The following GALNT10 variants were observed in gnomAD, a reference collection of about 807,000 sequenced individuals.
The protein encoded by GALNT10 is GalNAc transferase 10.
In GALNT10, 41 loss-of-function variants were observed where a neutral mutation model predicts 75.0. That is an observed-to-expected ratio of 0.55 (90% CI 0.43 to 0.71). The LOEUF is 0.71. GALNT10 is among the 30% of genes least tolerant of loss of function. GALNT10 has a pLI of 0.00. For synonymous variants in GALNT10, 302 were observed against 313.0 expected (o/e 0.96, Z 0.37); for missense variants, 727 against 818.5 (o/e 0.89, Z 1.36).
At chr5:154,394,718 T>G (rs1211199875) in intron 7 of GALNT10, among the ~76,000 whole-genome samples, 1 of 152,114 alleles carries the variant, frequency 6.6e-6, no homozygotes, top group Non-Finnish European at 1.5e-5. Flanking sequence ...CAGAAGGATA[T>G]CCAGGGCCAC....
chr5:154,393,078 A>AAAC (rs1561680980), intron 7 of GALNT10: 1 of 139,672 alleles, frequency 7.2e-6, no homozygotes, highest in Non-Finnish European at 1.5e-5. Flanking sequence ...AAAAAAAAAA[A>AAAC]CCCATTTTTT....
rs1756605904 is a variant in GALNT10, at chr5:154,420,446, GTC to G, written c.*3478_*3479del. Reference sequence around the variant, plus strand: ...TTACAGTAGTAACTGAGGAATCAGAGTCTCTGCTTCAGCGATATCTAGTTTGT... The same window carrying G: ...TTACAGTAGTAACTGAGGAATCAGAGTCTGCTTCAGCGATATCTAGTTTGT... On this transcript the variant is annotated 3_prime_UTR_variant, in exon 12 of 12. Transcript: ENST00000297107. The G allele has an allele frequency of 6.6e-6, 1 of 152,192 alleles. No individual in the cohort carries two copies. The highest frequency in any genetic ancestry group is 1.9e-4 in the East Asian group (1 of 5,198). The allele number at this position is 152,192 out of a possible 1,614,324, so 9.4% of individuals were successfully genotyped here. A position where few individuals can be genotyped will look rare whatever the true frequency, so the allele number is the denominator to read the frequency against.
At chr5:154,364,816 G>T (rs2113159626) in intron 4 of GALNT10, among the ~76,000 whole-genome samples, 1 of 152,198 alleles carries the variant, frequency 6.6e-6, no homozygotes, top group East Asian at 1.9e-4. Context: ...AACTGGAATT[G>T]CCCATGAATC....
At chr5:154,319,455 A>C (rs1754643615) in intron 3 of GALNT10, among the ~76,000 whole-genome samples, 1 of 152,168 alleles carries the variant, frequency 6.6e-6, no homozygotes, top group Non-Finnish European at 1.5e-5. Flanking sequence ...AATAAATACT[A>C]CCTGGATTTG....
At chr5:154,304,822 C>T (rs146171272) in intron 3 of GALNT10, among the ~76,000 whole-genome samples, 32 of 152,162 alleles carry the variant, frequency 2.1e-4, no homozygotes, top group Non-Finnish European at 4.0e-4. Flanking sequence ...TCTCATAGTA[C>T]GTATGAAGTA....
At chr5:154,342,868 C>G (rs1215722482) in intron 4 of GALNT10, among the ~76,000 whole-genome samples, 2 of 152,204 alleles carry the variant, frequency 1.3e-5, no homozygotes, top group Non-Finnish European at 2.9e-5. Context: ...TTTGAGGGCA[C>G]TAATTATATC....
At chr5:154,401,846 C>A (rs905655286) in intron 7 of GALNT10, among the ~76,000 whole-genome samples, 2 of 152,306 alleles carry the variant, frequency 1.3e-5, no homozygotes, top group East Asian at 3.9e-4. Flanking sequence ...ACGACCTCAT[C>A]GAGCAGTTCC....
intron 1 of GALNT10, among the ~76,000 whole-genome samples, chr5:154,193,865 G>A (rs2113637409): frequency 6.6e-6 from 1 of 152,354 alleles, no homozygotes; most frequent in Non-Finnish European, 1.5e-5. Context: ...GGAGCTGGGT[G>A]GGATAGCTGA....
At chr5:154,255,440 T>C (rs1015715823) in intron 1 of GALNT10, among the ~76,000 whole-genome samples, 25 of 152,104 alleles carry the variant, frequency 1.6e-4, no homozygotes, top group Admixed American at 8.5e-4. Flanking sequence ...AGAGATGTGA[T>C]ATCATGAGGT....
chr5:154,320,191 C>CA (rs112812639), intron 3 of GALNT10, among the ~76,000 whole-genome samples: 4 of 151,914 alleles, frequency 2.6e-5, no homozygotes, highest in Admixed American at 6.6e-5. Context: ...AAAGAGAGAT[C>CA]AAAAAAAATT....
chr5:154,359,580 C>G (rs1755351302), intron 4 of GALNT10, among the ~76,000 whole-genome samples: 2 of 150,880 alleles, frequency 1.3e-5, no homozygotes, highest in Middle Eastern at 3.5e-3. Context: ...AAAAACACTT[C>G]CTTTTTAAAA....
chr5:154,307,974 A>G (rs1754459392), intron 3 of GALNT10, among the ~76,000 whole-genome samples: 1 of 145,904 alleles, frequency 6.9e-6, no homozygotes, highest in African/African-American at 2.5e-5. Flanking sequence ...ATATCTTCCA[A>G]AAAAAAAAAG....
At chr5:154,353,764 A>G (rs961423218) in intron 4 of GALNT10, among the ~76,000 whole-genome samples, 1 of 152,124 alleles carries the variant, frequency 6.6e-6, no homozygotes, top group African/African-American at 2.4e-5. Context: ...CTCCTGGCAA[A>G]TCCTGTTCAT....
intron 1 of GALNT10, among the ~76,000 whole-genome samples, chr5:154,251,355 C>A (rs1268124230): frequency 1.3e-5 from 2 of 151,956 alleles, no homozygotes; most frequent in East Asian, 3.9e-4. Context: ...TACAGGTTTC[C>A]CCTTCATTTT....
intron 3 of GALNT10, among the ~76,000 whole-genome samples, chr5:154,306,784 A>G (rs574884711): frequency 6.6e-6 from 1 of 152,296 alleles, no homozygotes; most frequent in East Asian, 1.9e-4. Context: ...CAATTATGAA[A>G]TTATGAGATT....
chr5:154,308,638 C>A (rs1754468250), intron 3 of GALNT10, among the ~76,000 whole-genome samples: 1 of 152,182 alleles, frequency 6.6e-6, no homozygotes, highest in Admixed American at 6.5e-5. Context: ...GTATCCAGAG[C>A]TAACTAGATC....
chr5:154,324,434 G>A (rs1754724440), intron 3 of GALNT10, among the ~76,000 whole-genome samples: 1 of 152,236 alleles, frequency 6.6e-6, no homozygotes, highest in Non-Finnish European at 1.5e-5. Flanking sequence ...AAATGGGCCA[G>A]GGGCTCACAT....
At chr5:154,283,701 T>G (rs1754074954) in intron 1 of GALNT10, among the ~76,000 whole-genome samples, 1 of 152,170 alleles carries the variant, frequency 6.6e-6, no homozygotes, top group South Asian at 2.1e-4. Flanking sequence ...AGGAGGGGAC[T>G]ACCATCAGTC....
chr5:154,324,440 C>T (rs949595366), intron 3 of GALNT10, among the ~76,000 whole-genome samples: 2 of 152,228 alleles, frequency 1.3e-5, no homozygotes, highest in Admixed American at 6.5e-5. Context: ...GCCAGGGGCT[C>T]ACATGCAGCC....
Sources: allele counts gnomAD v4.1 joint callset (sites outside exome capture counted in the v4.1 genomes callset), GRCh38; gene constraint gnomAD v4.1.1; transcripts MANE v1.5; gene names NCBI Gene and HGNC (gene_info 2026-07-23, HGNC 2026-07-21).